The following ANP32B variants were observed in gnomAD, a reference collection of about 807,000 sequenced individuals.
The protein encoded by ANP32B is acidic nuclear phosphoprotein 32 family member B.
Under a neutral mutation model 32.2 loss-of-function variants are expected in ANP32B, and 6 were observed. The observed-to-expected ratio is 0.19, with a 90% CI of 0.10 to 0.37. The LOEUF (loss-of-function observed/expected upper bound fraction) is 0.37. Among genes scored for constraint, ANP32B ranks in the 10% least tolerant of loss-of-function variants. The pLI, the probability that ANP32B is intolerant of heterozygous loss-of-function variation, is 1.00. For synonymous variants in ANP32B, 98 were observed against 105.8 expected, an observed-to-expected ratio of 0.93 and a Z score of 0.45; for missense variants, 204 against 289.2, an observed-to-expected ratio of 0.71 and a Z score of 2.14.
chr9:98,004,942 G>A (rs752000860), intron 3 of ANP32B, 22 bp from the exon 4 acceptor site: 2 of 1,587,210 alleles, frequency 1.3e-6, no homozygotes, highest in Non-Finnish European at 1.7e-6. Flanking sequence ...TAGGAGTTGT[G>A]GTTTTTGATC....
intron 2 of ANP32B, among the ~76,000 whole-genome samples, chr9:97,997,149 T>C (rs1353716934): frequency 1.3e-5 from 2 of 152,202 alleles, no homozygotes. Context: ...TAAGAAAAGT[T>C]ATCTCTGTTT....
intron 4 of ANP32B, among the ~76,000 whole-genome samples, chr9:98,009,295 C>T (rs572275947): frequency 2.6e-5 from 4 of 152,304 alleles, no homozygotes; most frequent in African/African-American, 9.6e-5. Context: ...CAAGATATTC[C>T]TCCTGATTAG....
intron 4 of ANP32B, among the ~76,000 whole-genome samples, chr9:98,008,891 C>A (rs1430462896): frequency 6.6e-6 from 1 of 152,182 alleles, no homozygotes; most frequent in Non-Finnish European, 1.5e-5. Context: ...CATCCCCCCA[C>A]CCCCAGGCTG....
chr9:97,999,798 G>T (rs1426103081), intron 3 of ANP32B, among the ~76,000 whole-genome samples: 1 of 152,190 alleles, frequency 6.6e-6, no homozygotes, highest in Non-Finnish European at 1.5e-5. Flanking sequence ...AGGACTGGAG[G>T]CAGGGGGCTT....
intron 4 of ANP32B, among the ~76,000 whole-genome samples, chr9:98,010,514 C>T (rs1337165010): frequency 6.6e-6 from 1 of 151,990 alleles, no homozygotes; most frequent in Admixed American, 6.6e-5. Flanking sequence ...ATGGTGAGAG[C>T]CTATGACCTG....
intron 4 of ANP32B, 124 bp from the exon 5 acceptor site, chr9:98,011,147 A>G (rs1179243163): frequency 5.0e-6 from 7 of 1,390,560 alleles, no homozygotes; most frequent in African/African-American, 1.5e-5. Context: ...CATAGTAGAA[A>G]GAAAGTGACT....
At chr9:97,990,880 C>T (rs900676738) in intron 1 of ANP32B, among the ~76,000 whole-genome samples, 27 of 139,452 alleles carry the variant, frequency 1.9e-4, no homozygotes, top group African/African-American at 6.0e-4. Flanking sequence ...AGTGCGGTGG[C>T]GCAATCTTGG....
intron 1 of ANP32B, among the ~76,000 whole-genome samples, chr9:97,990,911 C>T (rs565840963): frequency 2.7e-5 from 4 of 150,932 alleles, no homozygotes; most frequent in African/African-American, 4.9e-5. Flanking sequence ...CCCTCCGCCT[C>T]GCGGGTTCAA....
chr9:98,009,204 C>T (rs920086194), intron 4 of ANP32B, among the ~76,000 whole-genome samples: 2 of 152,158 alleles, frequency 1.3e-5, no homozygotes, highest in Non-Finnish European at 2.9e-5. Flanking sequence ...AGATGATTTT[C>T]AGTAGTTTTG....
At chr9:97,986,838 A>G (rs1031923431) in intron 1 of ANP32B, 4 of 152,260 alleles carry the variant, frequency 2.6e-5, no homozygotes, top group African/African-American at 7.2e-5. Context: ...GCAGTGTCCC[A>G]TGGTTGACCT....
chr9:97,992,192 C>G (rs2131583030), intron 1 of ANP32B, among the ~76,000 whole-genome samples: 1 of 152,196 alleles, frequency 6.6e-6, no homozygotes, highest in East Asian at 1.9e-4. Context: ...CAGGTTCAAG[C>G]AATTCTCCTG....
chr9:98,013,478 C>T (rs1377723280), intron 6 of ANP32B, among the ~76,000 whole-genome samples: 1 of 152,190 alleles, frequency 6.6e-6, no homozygotes, highest in Non-Finnish European at 1.5e-5. Flanking sequence ...GTAGCAGTTT[C>T]CCAGTTTTGT....
intron 1 of ANP32B, among the ~76,000 whole-genome samples, chr9:97,990,585 G>A (rs1053395931): frequency 1.3e-5 from 2 of 152,048 alleles, no homozygotes; most frequent in Non-Finnish European, 2.9e-5. Context: ...TTTCTGCCTA[G>A]CCCAACAACT....
intron 2 of ANP32B, among the ~76,000 whole-genome samples, chr9:97,996,085 C>T (rs1207583516): frequency 6.6e-6 from 1 of 152,034 alleles, no homozygotes; most frequent in Non-Finnish European, 1.5e-5. Flanking sequence ...AGAAATTTCC[C>T]CTTCTAAGTA....
chr9:98,001,637 G>A (rs759369864), intron 3 of ANP32B, among the ~76,000 whole-genome samples: 1 of 152,168 alleles, frequency 6.6e-6, no homozygotes, highest in Non-Finnish European at 1.5e-5. Context: ...ACACAGCAAT[G>A]GAGCAGAAGC....
intron 4 of ANP32B, among the ~76,000 whole-genome samples, chr9:98,008,147 C>A (rs1404803012): frequency 6.6e-6 from 1 of 152,124 alleles, no homozygotes; most frequent in East Asian, 1.9e-4. Flanking sequence ...CCTCCACAGG[C>A]CCCAGTGTGT....
intron 1 of ANP32B, chr9:97,984,599 C>G (rs1349515453): frequency 6.6e-6 from 1 of 150,878 alleles, no homozygotes; most frequent in Non-Finnish European, 1.5e-5. Context: ...GGGTGCCCGT[C>G]TCCCTGCGCC....
chr9:97,989,816 T>A (rs1225820399), intron 1 of ANP32B, among the ~76,000 whole-genome samples: 1 of 152,172 alleles, frequency 6.6e-6, no homozygotes, highest in East Asian at 1.9e-4. Context: ...GGAGATCCAC[T>A]GAGAACCCCA....
chr9:97,986,410 G>A (rs1827735619), intron 1 of ANP32B: 1 of 152,244 alleles, frequency 6.6e-6, no homozygotes, highest in African/African-American at 2.4e-5. Flanking sequence ...CTAAGATTGT[G>A]GGGGTAGAGG....
Sources: gnomAD v4.1 joint callset for allele counts (sites outside exome capture counted in the v4.1 genomes callset) on GRCh38, gnomAD v4.1.1 for gene constraint, MANE v1.5 for transcripts, NCBI Gene and HGNC (gene_info 2026-07-23, HGNC 2026-07-21) for gene names.